ARMC2: variants seen among roughly 807,000 people sequenced by gnomAD.
The protein encoded by ARMC2 is armadillo repeat-containing protein 2.
A neutral mutation model predicts 90.3 loss-of-function variants in ARMC2; 67 were observed. That is an observed-to-expected ratio of 0.74 (90% CI 0.61 to 0.91). The LOEUF is 0.91. Among genes scored for constraint, ARMC2 ranks in the 40% least tolerant of loss-of-function variants. The pLI is 0.00. For synonymous variants in ARMC2, 393 were observed against 393.0 expected (o/e 1.00, Z 0.00); for missense variants, 920 against 1,030.9 (o/e 0.89, Z 1.47).
Position 108,858,220 on chromosome 6 carries a change from G to C in ARMC2, c.240G>C (p.Glu80Asp). ...SSFSLHASSF[E>D]SSDSRPISGT... is the part of the protein sequence containing the mutation. ...CTAGCCTCCATGCATCCAGTTTTGA[G>C]TCATCTGATTCCAGGCCTATCTCTG... is the stretch of plus-strand genomic sequence containing the variant. The change falls in exon 3 of 18, where the codon GAG becomes GAC. Residue 80 changes from glutamate (E) to aspartate (D), a missense_variant. Physicochemically the swap from Glu to Asp is conservative, Grantham distance 45 (BLOSUM62 2). Coordinates refer to ENST00000392644, the MANE Select transcript of ARMC2 (RefSeq NM_032131.6). The C allele has an allele frequency of 6.2e-7, 1 of 1,611,124 alleles. No individual in the cohort carries two copies. Among genetic ancestry groups the C allele is most frequent in the African/African-American group, 1.3e-5 (1 of 74,974 alleles).
At chr6:109,038,066 C>T in the ARMC2 span, among the ~76,000 whole-genome samples, 1 of 152,150 alleles carries the variant, frequency 6.6e-6, no homozygotes, top group African/African-American at 2.4e-5. Context: ...TGGAAGGTTC[C>T]ATGCTAGAGA....
intron 12 of ARMC2, among the ~76,000 whole-genome samples, chr6:108,948,532 G>A (rs759094451): frequency 2.7e-5 from 4 of 150,652 alleles, no homozygotes; most frequent in Non-Finnish European, 5.9e-5. Flanking sequence ...TGCTGCAGAC[G>A]GCGCAATCTG....
At position 108,936,994 on chromosome 6, in the gene ARMC2, A is replaced by C; in HGVS notation, c.1591A>C (p.Lys531Gln). The C allele has an allele frequency of 5.7e-6, 9 of 1,587,666 alleles. No homozygotes were observed. The highest frequency in any genetic ancestry group is 7.7e-6 in the Non-Finnish European group (9 of 1,165,320). Residue 531 changes from lysine (K) to glutamine (Q), a missense_variant, in exon 12 of 18, where the codon AAG becomes CAG. Lys to Gln is a moderately conservative substitution (Grantham distance 53, BLOSUM62 1). Transcript: ENST00000392644. ...GAATCTAATTAACAAATACCAGAAG[A>C]AGCAGGTCAGTTCTTCATTCATTTA... Reference protein sequence around the residue: ...FLNLINKYQKKQDLVVRVVFI... With the variant: ...FLNLINKYQKQQDLVVRVVFI...
At chr6:109,013,636 TCTC>T in the ARMC2 span, among the ~76,000 whole-genome samples, 1 of 152,218 alleles carries the variant, frequency 6.6e-6, no homozygotes, top group African/African-American at 2.4e-5. Flanking sequence ...GATTTGCACA[TCTC>T]CTCATTGGAA....
chr6:108,998,400 A>G, the ARMC2 span: 6 of 1,274,758 alleles, frequency 4.7e-6, no homozygotes, highest in Admixed American at 4.0e-5. Context: ...TAGGGGCCCA[A>G]TATCTCCACA....
chr6:109,050,504 C>T, the ARMC2 span, among the ~76,000 whole-genome samples: 1 of 151,648 alleles, frequency 6.6e-6, no homozygotes, highest in Admixed American at 6.6e-5. Context: ...ATATATAAAA[C>T]TGATTGAAGG....
chr6:109,044,543 T>A, the ARMC2 span, among the ~76,000 whole-genome samples: 2 of 151,850 alleles, frequency 1.3e-5, no homozygotes, highest in South Asian at 4.2e-4. Context: ...CTAAAAAACA[T>A]CTAGAAGAAA....
chr6:108,993,900 T>C, the ARMC2 span, among the ~76,000 whole-genome samples: 4 of 151,984 alleles, frequency 2.6e-5, no homozygotes, highest in Non-Finnish European at 2.9e-5. Flanking sequence ...ATTTTAACTC[T>C]AGAAGCAATC....
In ARMC2 at chr6:108,905,084, T is replaced by C. The variant is rs116868270; in HGVS notation, c.1023+679T>C. Among the ~76,000 whole-genome samples, 5 of 152,340 alleles carry C rather than the reference T, an allele frequency of 3.3e-5. No homozygotes were observed. In the East Asian group the frequency reaches 9.6e-4, roughly 29 times the overall value. On this transcript the variant is annotated intron_variant, in intron 8 of 17. Coordinates refer to ENST00000392644, the MANE Select transcript of ARMC2 (RefSeq NM_032131.6). ...GAACCAAAAGATAAGCCACAATTATTATAGAATGTTCTAAGAGAGCCGCTA... is the reference window on the plus strand; with the variant it reads ...GAACCAAAAGATAAGCCACAATTATCATAGAATGTTCTAAGAGAGCCGCTA...
intron 3 of ARMC2, among the ~76,000 whole-genome samples, chr6:108,860,622 A>G (rs11751783): frequency 6.8e-6 from 1 of 147,512 alleles, no homozygotes; most frequent in Non-Finnish European, 1.5e-5. Context: ...AGTTCGCGCC[A>G]CTGCACTCCA....
At chr6:108,890,212 AAAAAAAAAAAAAAAAAAC>A (rs1770849771) in intron 5 of ARMC2, among the ~76,000 whole-genome samples, 3 of 140,400 alleles carry the variant, frequency 2.1e-5, no homozygotes, top group African/African-American at 8.3e-5. Flanking sequence ...AAAAAAAAAA[AAAAAAAAAAAAAAAAAAC>A]AGTGGTTTCT....
intron 11 of ARMC2, among the ~76,000 whole-genome samples, chr6:108,933,192 T>A (rs929060639): frequency 6.6e-6 from 1 of 152,166 alleles, no homozygotes; most frequent in Non-Finnish European, 1.5e-5. Flanking sequence ...ATTCTTCCTA[T>A]CCATAAGCAT....
intron 10 of ARMC2, among the ~76,000 whole-genome samples, chr6:108,914,950 A>ATTTTTTTTTT (rs71776577): frequency 6.9e-6 from 1 of 144,560 alleles, no homozygotes. Context: ...CTCAGCAGGC[A>ATTTTTTTTTT]TTTTTTTTTT....
the ARMC2 span, among the ~76,000 whole-genome samples, chr6:109,026,009 C>T: frequency 6.6e-6 from 1 of 150,702 alleles, no homozygotes; most frequent in African/African-American, 2.4e-5. Flanking sequence ...AAAAATTATA[C>T]CTTGGCCTAC....
At chr6:108,858,488 AAAG>A (rs1220439180) in intron 3 of ARMC2, among the ~76,000 whole-genome samples, 2 of 151,992 alleles carry the variant, frequency 1.3e-5, no homozygotes, top group Non-Finnish European at 2.9e-5. Context: ...GTTTGATAAT[AAAG>A]AAGAATTTTT....
the ARMC2 span, among the ~76,000 whole-genome samples, chr6:109,048,236 C>T: frequency 6.6e-6 from 1 of 152,232 alleles, no homozygotes; most frequent in African/African-American, 2.4e-5. Flanking sequence ...AATAAACATT[C>T]AGATATCTCC....
chr6:108,861,278 T>C (rs1775213953), intron 3 of ARMC2, among the ~76,000 whole-genome samples: 1 of 152,172 alleles, frequency 6.6e-6, no homozygotes, highest in Non-Finnish European at 1.5e-5. Flanking sequence ...GTATGTGTGT[T>C]TGTATGTGTG....
At chr6:109,051,729 C>CTTTTG in the ARMC2 span, among the ~76,000 whole-genome samples, 5 of 152,230 alleles carry the variant, frequency 3.3e-5, no homozygotes, top group South Asian at 1.0e-3. Flanking sequence ...TTTAAAAAAT[C>CTTTTG]TTTTGTTTTG....
In ARMC2 at chr6:108,941,148, G is replaced by A. The variant is rs73514349; in HGVS notation, c.1596+4149G>A. 5.5e-3 allele frequency among the ~76,000 whole-genome samples: 840 copies of A among 152,276 alleles called. 6 individuals are homozygous for A. The highest frequency in any genetic ancestry group is 0.019 in the African/African-American group (798 of 41,546). ...AAAACTTTAAAATAAAATTGAATATGAACAGACTTAATGAGAAGAGCCTAA... is the reference window on the plus strand; with the variant it reads ...AAAACTTTAAAATAAAATTGAATATAAACAGACTTAATGAGAAGAGCCTAA... On this transcript the variant is annotated intron_variant, in intron 12 of 17. Coordinates refer to ENST00000392644, the MANE Select transcript of ARMC2 (RefSeq NM_032131.6).
Sources: gnomAD v4.1 joint callset for allele counts (sites outside exome capture counted in the v4.1 genomes callset) on GRCh38, gnomAD v4.1.1 for gene constraint, MANE v1.5 for transcripts, NCBI Gene and HGNC (gene_info 2026-07-23, HGNC 2026-07-21) for gene names.